EGF: variants seen among roughly 807,000 people sequenced by gnomAD.
EGF encodes epidermal growth factor, also known as pro-epidermal growth factor.
EGF carries 95 observed loss-of-function variants against 143.8 expected under a neutral mutation model. The observed-to-expected ratio is 0.66, with a 90% CI of 0.56 to 0.78. The LOEUF (loss-of-function observed/expected upper bound fraction) is 0.78, where lower values mean the gene tolerates loss of function less well. EGF is among the 30% of genes least tolerant of loss of function. The pLI is 0.00. For missense variants in EGF, 1,320 were observed against 1,470.9 expected (o/e 0.90, Z 1.68); for synonymous variants, 510 against 510.5 (o/e 1.00, Z 0.01).
At chr4:109,962,649 T>C (rs1332219645) in intron 8 of EGF, among the ~76,000 whole-genome samples, 2 of 152,178 alleles carry the variant, frequency 1.3e-5, no homozygotes, top group Non-Finnish European at 2.9e-5. Flanking sequence ...GCCACTGGAA[T>C]GTGAAGGATT....
intron 10 of EGF, among the ~76,000 whole-genome samples, chr4:109,965,305 T>C (rs1746380530): frequency 6.6e-6 from 1 of 152,162 alleles, no homozygotes; most frequent in Admixed American, 6.5e-5. Context: ...TTTGGGCTTT[T>C]GTTTCTTCCT....
intron 1 of EGF, among the ~76,000 whole-genome samples, chr4:109,930,128 G>A (rs1370641995): frequency 6.6e-6 from 1 of 152,166 alleles, no homozygotes; most frequent in Non-Finnish European, 1.5e-5. Flanking sequence ...TAATTTTCCT[G>A]AGGCCTCACC....
At chr4:110,008,259 A>G (rs1464141585) in intron 23 of EGF, 29 bp downstream of exon 23, 1 of 1,613,238 alleles carries the variant, frequency 6.2e-7, no homozygotes, top group African/African-American at 1.3e-5. Flanking sequence ...CTCCTGGTGA[A>G]TGGTTATTTT....
chr4:109,993,290 T>G lies in EGF; in HGVS notation c.2778T>G (p.Asn926Lys). ...TGGGGGAGCACAGCTGTGGAGAGAATGCCAGCTGCACAAATACAGAGGGAG... is the reference window on the plus strand; with the variant it reads ...TGGGGGAGCACAGCTGTGGAGAGAAGGCCAGCTGCACAAATACAGAGGGAG... Reference protein sequence around the residue: ...CQLGEHSCGENASCTNTEGGY... With the variant: ...CQLGEHSCGEKASCTNTEGGY... Residue 926 changes from asparagine to lysine, a missense_variant, in exon 19 of 24, where the codon AAT becomes AAG. By Grantham distance (94) the Asn-to-Lys change is moderately conservative (BLOSUM62 0). Coordinates refer to ENST00000265171, the MANE Select transcript of EGF (RefSeq NM_001963.6). 1.2e-6 allele frequency: 2 copies of G among 1,613,848 alleles called. No homozygotes were observed. The highest frequency in any genetic ancestry group is 2.7e-5 in the African/African-American group (2 of 75,006).
chr4:109,976,823 A>C (rs1748576932), intron 13 of EGF, among the ~76,000 whole-genome samples: 1 of 152,270 alleles, frequency 6.6e-6, no homozygotes, highest in African/African-American at 2.4e-5. Flanking sequence ...AGATGATGAC[A>C]AAAGATTATA....
At chr4:110,004,253 A>C (rs200550334) in intron 21 of EGF, 422 of 404,954 alleles carry the variant, frequency 1.0e-3, no homozygotes, top group East Asian at 2.2e-3. Context: ...CACACACACA[A>C]ACACACACAC....
rs1399490241 is a variant in EGF, at chr4:109,997,287, G to C, written c.3006-2392G>C. Among the ~76,000 whole-genome samples the C allele has an allele frequency of 2.0e-5, 3 of 152,070 alleles. No homozygotes were observed. The East Asian group carries it at 5.8e-4, about 29-fold the overall frequency. Reference sequence around the variant, plus strand: ...CAGAATATCTCAAGCATTGATCTTAGGAGCAGTATAGGGAGGTTCAGAATC... The same window carrying C: ...CAGAATATCTCAAGCATTGATCTTACGAGCAGTATAGGGAGGTTCAGAATC... On this transcript the variant is annotated intron_variant, in intron 20 of 23. Coordinates refer to ENST00000265171, the MANE Select transcript of EGF (RefSeq NM_001963.6).
chr4:109,913,305 T>G lies in EGF; in HGVS notation c.-31T>G. 1 of 1,612,672 alleles carries G rather than the reference T, an allele frequency of 6.2e-7. No individual in the cohort carries two copies. Among genetic ancestry groups the G allele is most frequent in the Middle Eastern group, 1.7e-4 (1 of 6,046 alleles). The stretch of plus-strand genomic sequence containing the variant: ...CCATGCTCCAGCAAAATCAAGCTGT[T>G]TTCTTTTGAAAGTTCAAACTCATCA... On this transcript the variant is annotated 5_prime_UTR_variant, in exon 1 of 24. Transcript: ENST00000265171.
At chr4:109,998,928 A>G (rs1019055616) in intron 20 of EGF, among the ~76,000 whole-genome samples, 5 of 152,210 alleles carry the variant, frequency 3.3e-5, no homozygotes, top group African/African-American at 1.2e-4. Flanking sequence ...TTTACCTGAG[A>G]TCTTAATTGT....
At position 109,983,817 on chromosome 4, in the gene EGF, C is replaced by T. The variant is rs882471; in HGVS notation, c.2491+276C>T. Among the ~76,000 whole-genome samples, 78,874 of 152,056 alleles carry T rather than the reference C, an allele frequency of 0.52. 23,070 individuals are homozygous for T. The highest frequency in any genetic ancestry group is 0.79 in the African/African-American group (32,856 of 41,490). On this transcript the variant is annotated intron_variant, in intron 16 of 23. Coordinates refer to ENST00000265171, the MANE Select transcript of EGF (RefSeq NM_001963.6). ...GTAACTTGGAAACAAAAGTAAAACA[C>T]AGGACAACATATTTGAATGTATTTC... is the stretch of plus-strand genomic sequence containing the variant.
At chr4:109,918,960 C>T (rs1737197237) in intron 1 of EGF, among the ~76,000 whole-genome samples, 1 of 152,200 alleles carries the variant, frequency 6.6e-6, no homozygotes. Flanking sequence ...TGACCTGCAC[C>T]TTGGCCGCTT....
intron 20 of EGF, among the ~76,000 whole-genome samples, chr4:109,997,525 A>C (rs1020731553): frequency 6.6e-6 from 1 of 151,136 alleles, no homozygotes; most frequent in African/African-American, 2.4e-5. Context: ...GCAGTGGCGC[A>C]ATCTCAGCTC....
At chr4:110,001,546 C>A in intron 21 of EGF, 1 of 935,500 alleles carries the variant, frequency 1.1e-6, no homozygotes, top group Non-Finnish European at 1.3e-6. Flanking sequence ...AAAATGGAAA[C>A]TAGAAACTTA....
intron 1 of EGF, among the ~76,000 whole-genome samples, chr4:109,926,547 C>T (rs188139699): frequency 2.6e-5 from 4 of 152,010 alleles, no homozygotes; most frequent in Middle Eastern, 3.4e-3. Flanking sequence ...TTAGTAGAGA[C>T]GGGGTTTCAC....
At chr4:109,932,086 GTTA>G (rs1443100756) in intron 1 of EGF, among the ~76,000 whole-genome samples, 2 of 151,792 alleles carry the variant, frequency 1.3e-5, no homozygotes, top group African/African-American at 4.8e-5. Flanking sequence ...GTAAAAATTT[GTTA>G]TTATTATTGC....
intron 1 of EGF, among the ~76,000 whole-genome samples, chr4:109,931,869 A>T (rs1739763065): frequency 6.6e-6 from 1 of 152,206 alleles, no homozygotes. Context: ...TAGCCCTTAG[A>T]TGGGCAAAAT....
chr4:109,995,734 G>A (rs1751710645), intron 20 of EGF, among the ~76,000 whole-genome samples: 1 of 152,144 alleles, frequency 6.6e-6, no homozygotes, highest in African/African-American at 2.4e-5. Context: ...GCCTGAGGGA[G>A]GGGTGATGAA....
At chr4:109,929,980 G>A (rs882405) in intron 1 of EGF, among the ~76,000 whole-genome samples, 83,027 of 152,016 alleles carry the variant, frequency 0.55, 25,528 homozygotes, top group African/African-American at 0.83. Flanking sequence ...GGTTTCCCCA[G>A]TGGTGTTCTC....
intron 20 of EGF, among the ~76,000 whole-genome samples, chr4:109,996,767 G>A (rs967315097): frequency 2.0e-5 from 3 of 152,120 alleles, no homozygotes; most frequent in African/African-American, 7.2e-5. Flanking sequence ...GTGAGAGTTG[G>A]GAGTCTCCAT....
Sources: allele counts gnomAD v4.1 joint callset (sites outside exome capture counted in the v4.1 genomes callset), GRCh38; gene constraint gnomAD v4.1.1; transcripts MANE v1.5; gene names NCBI Gene and HGNC (gene_info 2026-07-23, HGNC 2026-07-21).